The following ADGRL3 variants were observed in gnomAD, a reference collection of about 807,000 sequenced individuals.
ADGRL3 encodes the protein adhesion G protein-coupled receptor L3, also known as calcium-independent alpha-latrotoxin receptor 3.
Under a neutral mutation model 153.5 loss-of-function variants are expected in ADGRL3, and 62 were observed. The observed-to-expected ratio is 0.40, with a 90% CI of 0.33 to 0.50. The LOEUF (loss-of-function observed/expected upper bound fraction) is 0.50, where lower values mean the gene tolerates loss of function less well. Ranked by LOEUF, ADGRL3 falls within the 20% of genes least tolerant of loss-of-function variation. The probability of loss-of-function intolerance (pLI) is 0.47; values close to 1 mark genes in which losing one functional copy is unlikely to be tolerated. For missense variants in ADGRL3, 1,641 were observed against 1,859.4 expected, an observed-to-expected ratio of 0.88 and a Z score of 2.16; for synonymous variants, 710 against 672.5, an observed-to-expected ratio of 1.06 and a Z score of -0.86.
At chr4:61,799,980 T>C (rs898209177) in intron 8 of ADGRL3, among the ~76,000 whole-genome samples, 1 of 152,204 alleles carries the variant, frequency 6.6e-6, no homozygotes, top group African/African-American at 2.4e-5. Flanking sequence ...ACAGAGTTCA[T>C]GGGTTATGTA....
chr4:62,028,278 A>G (rs988634083), intron 21 of ADGRL3, among the ~76,000 whole-genome samples: 4 of 151,824 alleles, frequency 2.6e-5, no homozygotes, highest in Admixed American at 2.6e-4. Context: ...ATTACTACAA[A>G]AGATTATTCA....
chr4:61,652,806 A>G (rs2094308074), intron 5 of ADGRL3, among the ~76,000 whole-genome samples: 1 of 152,206 alleles, frequency 6.6e-6, no homozygotes, highest in South Asian at 2.1e-4. Context: ...TAGAATAATT[A>G]ATGCTTTAAT....
intron 9 of ADGRL3, among the ~76,000 whole-genome samples, chr4:61,848,591 A>T (rs930859074): frequency 6.6e-6 from 1 of 152,066 alleles, no homozygotes; most frequent in Non-Finnish European, 1.5e-5. Context: ...CACAGGTACC[A>T]GGGGTTAGGA....
intron 2 of ADGRL3, among the ~76,000 whole-genome samples, chr4:61,461,493 T>C (rs1458923801): frequency 6.6e-6 from 1 of 152,146 alleles, no homozygotes; most frequent in Non-Finnish European, 1.5e-5. Context: ...ACTCTCTAAA[T>C]ATGTACAATT....
rs1317397764 is a variant in ADGRL3, at chr4:61,227,181, G to GT, written c.-240+25422dup. 3.9e-5 allele frequency among the ~76,000 whole-genome samples: 6 copies of GT among 152,144 alleles called. No homozygotes were observed. The South Asian group carries it at 6.2e-4, about 16-fold the overall frequency. On this transcript the variant is annotated intron_variant, in intron 1 of 26. Coordinates refer to ENST00000683033, the MANE Select transcript of ADGRL3 (RefSeq NM_001387552.1). ...AATGTCTGCAGAAGATGACTTGGAGGTTTTTTGTCATTTCTTCTGGCACCT... is the reference window on the plus strand; with the variant it reads ...AATGTCTGCAGAAGATGACTTGGAGGTTTTTTTGTCATTTCTTCTGGCACCT...
At chr4:61,532,549 C>CGTGT (rs373230592) in intron 4 of ADGRL3, among the ~76,000 whole-genome samples, 31,195 of 102,522 alleles carry the variant, frequency 0.3, 3,792 homozygotes, top group Middle Eastern at 0.46. Flanking sequence ...CGCGCGCGCG[C>CGTGT]GCGCGCGTGT....
At chr4:61,793,070 C>T (rs913826823) in intron 8 of ADGRL3, among the ~76,000 whole-genome samples, 23 of 151,800 alleles carry the variant, frequency 1.5e-4, no homozygotes, top group East Asian at 3.9e-4. Context: ...CAGCAATTCA[C>T]GTCTTGGATG....
chr4:61,233,234 G>T (rs1011281860), intron 1 of ADGRL3, among the ~76,000 whole-genome samples: 2 of 152,078 alleles, frequency 1.3e-5, no homozygotes, highest in African/African-American at 4.8e-5. Context: ...CTTTTACTTA[G>T]AACTGTGCCA....
chr4:62,025,766 G>A (rs1718170040), intron 21 of ADGRL3, among the ~76,000 whole-genome samples: 1 of 151,990 alleles, frequency 6.6e-6, no homozygotes, highest in African/African-American at 2.4e-5. Context: ...AACATATTAG[G>A]CCTTTGCATC....
rs532583986 is a variant in ADGRL3, at chr4:61,979,423, A to C, written c.2806-140A>C. The C allele has an allele frequency of 6.7e-5, 48 of 719,184 alleles. No individual in the cohort carries two copies. The African/African-American group carries it at 7.0e-4, about 11-fold the overall frequency. The allele number at this position is 719,184 out of a possible 1,614,324, so 44.6% of individuals were successfully genotyped here. On this transcript the variant is annotated intron_variant, in intron 17 of 26. Transcript: ENST00000683033. Reference sequence around the variant, plus strand: ...ATCTGTGGAAGAGAAAACCCAAATCATTAAGTTACTTTATTCATTGTGGGT... The same window carrying C: ...ATCTGTGGAAGAGAAAACCCAAATCCTTAAGTTACTTTATTCATTGTGGGT...
intron 1 of ADGRL3, among the ~76,000 whole-genome samples, chr4:61,340,410 G>A (rs2095783819): frequency 6.6e-6 from 1 of 151,918 alleles, no homozygotes; most frequent in South Asian, 2.1e-4. Flanking sequence ...GGGGTCAGTG[G>A]GATAGGCATT....
At chr4:61,446,564 G>A (rs181790079) in intron 2 of ADGRL3, among the ~76,000 whole-genome samples, 412 of 152,264 alleles carry the variant, frequency 2.7e-3, no homozygotes, top group Non-Finnish European at 3.8e-3. Context: ...AAATACCAAC[G>A]ATACTAGTTA....
chr4:61,511,818 T>C (rs962964245), intron 3 of ADGRL3, among the ~76,000 whole-genome samples: 1 of 152,192 alleles, frequency 6.6e-6, no homozygotes, highest in African/African-American at 2.4e-5. Context: ...TACCCCTCTG[T>C]GTTAGGACTT....
chr4:61,441,580 TGC>T (rs1429843230), intron 2 of ADGRL3, among the ~76,000 whole-genome samples: 1 of 151,500 alleles, frequency 6.6e-6, no homozygotes, highest in Non-Finnish European at 1.5e-5. Context: ...AGTGCAGTGG[TGC>T]GATCTCAGCT....
intron 4 of ADGRL3, among the ~76,000 whole-genome samples, chr4:61,530,567 T>A (rs190517254): frequency 3.7e-4 from 56 of 152,304 alleles, no homozygotes; most frequent in African/African-American, 1.3e-3. Flanking sequence ...ACTTTTGTTG[T>A]TATTCCAGTT....
At chr4:61,575,419 A>C (rs2098868358) in intron 4 of ADGRL3, among the ~76,000 whole-genome samples, 1 of 152,030 alleles carries the variant, frequency 6.6e-6, no homozygotes, top group Non-Finnish European at 1.5e-5. Context: ...GTACGGAGAC[A>C]GGTGACCTAT....
At chr4:61,404,265 A>G (rs1293178750) in intron 2 of ADGRL3, among the ~76,000 whole-genome samples, 1 of 152,090 alleles carries the variant, frequency 6.6e-6, no homozygotes, top group Non-Finnish European at 1.5e-5. Flanking sequence ...TATAAATAAT[A>G]TATATGCCAT....
intron 21 of ADGRL3, among the ~76,000 whole-genome samples, chr4:62,024,669 G>A (rs1312268141): frequency 6.6e-6 from 1 of 151,898 alleles, no homozygotes; most frequent in Admixed American, 6.6e-5. Flanking sequence ...GGTAGCTCAC[G>A]CCTGTAATCC....
intron 8 of ADGRL3, among the ~76,000 whole-genome samples, chr4:61,744,025 C>T (rs375597298): frequency 2.0e-5 from 3 of 152,164 alleles, no homozygotes; most frequent in African/African-American, 4.8e-5. Context: ...TGAGCTTTTC[C>T]GATGGGCTTA....
Sources: gnomAD v4.1 joint callset for allele counts (sites outside exome capture counted in the v4.1 genomes callset) on GRCh38, gnomAD v4.1.1 for gene constraint, MANE v1.5 for transcripts, NCBI Gene and HGNC (gene_info 2026-07-23, HGNC 2026-07-21) for gene names.